PCDHA8: variants seen among roughly 807,000 people sequenced by gnomAD.
The protein encoded by PCDHA8 is protocadherin alpha 8.
In PCDHA8, 53 loss-of-function variants were observed where a neutral mutation model predicts 61.8. The observed-to-expected ratio is 0.86, with a 90% CI of 0.69 to 1.08. The LOEUF is 1.08. Ranked by LOEUF, PCDHA8 falls within the 50% of genes least tolerant of loss-of-function variation. PCDHA8 has a pLI of 0.00. For missense variants in PCDHA8, 1,293 were observed against 1,245.0 expected (o/e 1.04, Z -0.58); for synonymous variants, 618 against 556.6 (o/e 1.11, Z -1.55).
Position 140,917,790 on chromosome 5 carries a change from A to G in PCDHA8, c.2395-61159A>G, listed in dbSNP as rs540599117. The stretch of plus-strand genomic sequence containing the variant: ...GTATTAGTACCATGTTGTTTTGGTT[A>G]CTGTAGCCTTGCAGTATAGTTGAAG... On this transcript the variant is annotated intron_variant, in intron 1 of 3. Coordinates refer to ENST00000531613, the MANE Select transcript of PCDHA8 (RefSeq NM_018911.3). Among the ~76,000 whole-genome samples the G allele has an allele frequency of 4.6e-5, 7 of 152,046 alleles. No homozygotes were observed. In the East Asian group the frequency reaches 1.2e-3, roughly 25 times the overall value.
intron 2 of PCDHA8, among the ~76,000 whole-genome samples, chr5:140,981,687 A>ATCATTCATTCAT (rs200213847): frequency 1.1e-4 from 17 of 151,972 alleles, no homozygotes; most frequent in African/African-American, 4.1e-4. Context: ...CCTCCCTTCC[A>ATCATTCATTCAT]TCATTCATTC....
chr5:140,966,645 C>T (rs369620766), intron 1 of PCDHA8: 7 of 1,125,658 alleles, frequency 6.2e-6, no homozygotes, highest in Non-Finnish European at 8.2e-6. Flanking sequence ...CTTTCTAGAG[C>T]GTGAGCGGTG....
chr5:140,933,853 A>AT (rs2089460601), intron 1 of PCDHA8, among the ~76,000 whole-genome samples: 2 of 151,568 alleles, frequency 1.3e-5, no homozygotes, highest in Non-Finnish European at 3.0e-5. Context: ...TGTACCTTTA[A>AT]TTTTTTCAGA....
intron 1 of PCDHA8, chr5:140,968,616 A>G (rs782318101): frequency 6.2e-7 from 1 of 1,614,154 alleles, no homozygotes; most frequent in Admixed American, 1.7e-5. Flanking sequence ...TCTGGGCAAA[A>G]TGCTTGGCTT....
rs1554162252 is a variant in PCDHA8 at position 140,868,854 on chromosome 5, T to A, written c.2394+25139T>A. ...ACCCAAAACACGTGAAATTCTGTGG[T>A]GGTAAATGCAGTGCACAGTACTCAC... On this transcript the variant is annotated intron_variant, in intron 1 of 3. Coordinates refer to ENST00000531613, the MANE Select transcript of PCDHA8 (RefSeq NM_018911.3). 8.6e-6 allele frequency: 4 copies of A among 465,988 alleles called. 1 individual carries two copies. The highest frequency in any genetic ancestry group is 1.4e-5 in the Non-Finnish European group (4 of 277,116). The allele number at this position is 465,988 out of a possible 1,614,324, so 28.9% of individuals were successfully genotyped here. A position where few individuals can be genotyped will look rare whatever the true frequency, so the allele number is the denominator to read the frequency against.
In PCDHA8 at chr5:140,848,354, C is replaced by T. The variant is rs1427419086; in HGVS notation, c.2394+4639C>T. The T allele has an allele frequency of 5.9e-6, 6 of 1,023,948 alleles. No homozygotes were observed. In the East Asian group the frequency reaches 7.1e-5, roughly 12 times the overall value. The allele number at this position is 1,023,948 out of a possible 1,614,324, so 63.4% of individuals were successfully genotyped here. On this transcript the variant is annotated intron_variant, in intron 1 of 3. Transcript: ENST00000531613. Reference sequence around the variant, plus strand: ...AATCCAGACAAATACAGCCCTTTTCCCATGGGAAAGAGGCTCAATTCTTTT... The same window carrying T: ...AATCCAGACAAATACAGCCCTTTTCTCATGGGAAAGAGGCTCAATTCTTTT...
At chr5:140,877,533 G>A (rs1554169813) in intron 1 of PCDHA8, 2 of 1,613,790 alleles carry the variant, frequency 1.2e-6, no homozygotes, top group South Asian at 2.2e-5. Context: ...TGGGCGCTGT[G>A]GATCCCGAAG....
At chr5:140,870,715 G>T (rs1554164627) in intron 1 of PCDHA8, 2 of 1,613,126 alleles carry the variant, frequency 1.2e-6, no homozygotes, top group East Asian at 2.2e-5. Flanking sequence ...GAGCGCGCGC[G>T]ATGCGGGCGT....
chr5:140,875,591 A>C, intron 1 of PCDHA8: 2 of 1,613,998 alleles, frequency 1.2e-6, no homozygotes, highest in Non-Finnish European at 1.7e-6. Context: ...GAGGAGGCCA[A>C]ACACGGCACC....
chr5:140,849,773 C>A (rs1554143291), intron 1 of PCDHA8: 12 of 1,598,418 alleles, frequency 7.5e-6, no homozygotes, highest in Non-Finnish European at 1.0e-5. Flanking sequence ...TGGTGGTTAC[C>A]GCGCGGGACG....
Position 140,924,728 on chromosome 5 carries a change from C to G in PCDHA8, c.2395-54221C>G, listed in dbSNP as rs191622894. Among the ~76,000 whole-genome samples, 1,223 of 151,892 alleles carry G rather than the reference C, an allele frequency of 8.1e-3. 6 individuals carry two copies. The highest frequency in any genetic ancestry group is 0.019 in the African/African-American group (789 of 41,420). ...TGTGCAACATGGCGAAACCTCACCT[C>G]TAATAAAAATACAAAAATTAACCGA... On this transcript the variant is annotated intron_variant, in intron 1 of 3. Transcript: ENST00000531613.
chr5:140,967,387 T>A (rs1158599127), intron 1 of PCDHA8: 4 of 1,609,114 alleles, frequency 2.5e-6, no homozygotes, highest in Non-Finnish European at 3.4e-6. Flanking sequence ...GTAAAGTGCT[T>A]GAGCTGGTGC....
intron 1 of PCDHA8, chr5:140,871,599 TG>T (rs1554165773): frequency 6.9e-7 from 1 of 1,447,790 alleles, no homozygotes; most frequent in Admixed American, 2.7e-5. Flanking sequence ...GAATAACCAG[TG>T]TTTTGAATAT....
intron 1 of PCDHA8, among the ~76,000 whole-genome samples, chr5:140,973,378 A>C (rs1453357452): frequency 6.6e-6 from 1 of 152,238 alleles, no homozygotes; most frequent in Non-Finnish European, 1.5e-5. Context: ...CAATGGTCAG[A>C]ATAGACAAAG....
In PCDHA8 at chr5:140,852,619, G is replaced by C. The variant is rs147501708; in HGVS notation, c.2394+8904G>C. On this transcript the variant is annotated intron_variant, in intron 1 of 3. Transcript: ENST00000531613. ...TGTCATTTTCTTTCAAAACTTGAGT[G>C]GTCTCTGAGCTCCTGTCATTAAACC... The C allele has an allele frequency of 3.4e-4, 315 of 937,802 alleles. 5 individuals carry two copies. The East Asian group carries it at 0.027, about 79-fold the overall frequency. The allele number at this position is 937,802 out of a possible 1,614,324, so 58.1% of individuals were successfully genotyped here.
Position 140,841,860 on chromosome 5 carries a change from T to C in PCDHA8, c.539T>C (p.Leu180Pro), listed in dbSNP as rs2150324281. Residue 180 changes from leucine (L) to proline (P), a missense_variant, in exon 1 of 4, where the codon CTA becomes CCA. Physicochemically the swap from Leu to Pro is moderately conservative, Grantham distance 98. Coordinates refer to ENST00000531613, the MANE Select transcript of PCDHA8 (RefSeq NM_018911.3). Reference protein sequence around the residue: ...YRLSSHDYFMLDVNSKNDENK... With the variant: ...YRLSSHDYFMPDVNSKNDENK... ...CTTAGCTCTCATGATTACTTCATGCTAGATGTGAATTCAAAGAACGATGAG... is the reference window on the plus strand; with the variant it reads ...CTTAGCTCTCATGATTACTTCATGCCAGATGTGAATTCAAAGAACGATGAG... 6.2e-7 allele frequency: 1 copy of C among 1,613,766 alleles called. No individual in the cohort carries two copies. The highest frequency in any genetic ancestry group is 1.7e-5 in the Admixed American group (1 of 60,010).
At chr5:140,933,253 A>G (rs958671776) in intron 1 of PCDHA8, among the ~76,000 whole-genome samples, 2 of 152,008 alleles carry the variant, frequency 1.3e-5, no homozygotes, top group Non-Finnish European at 2.9e-5. Context: ...TATAAACACA[A>G]AAGGTTATTA....
In PCDHA8 at chr5:140,842,107, C is replaced by CA. The variant is rs1468350486; in HGVS notation, c.789dup (p.Leu264ThrfsTer5). On this transcript the variant is annotated frameshift_variant, in exon 1 of 4. Transcript: ENST00000531613. LOFTEE classifies it high-confidence loss of function. ...ACGCAGACAACGGAACAACAGTTAT[C>CA]AAACTGAATGCTTCTGATCCGGATG... 6.2e-7 allele frequency: 1 copy of CA among 1,613,738 alleles called. No homozygotes were observed. Among genetic ancestry groups the CA allele is most frequent in the Non-Finnish European group, 8.5e-7 (1 of 1,179,868 alleles).
At chr5:140,848,501 A>G (rs2150411434) in intron 1 of PCDHA8, 1 of 1,586,022 alleles carries the variant, frequency 6.3e-7, no homozygotes, top group African/African-American at 1.4e-5. Flanking sequence ...TTGAAATGTT[A>G]TACTCAAGTC....
Sources: allele counts gnomAD v4.1 joint callset (sites outside exome capture counted in the v4.1 genomes callset), GRCh38; gene constraint gnomAD v4.1.1; transcripts MANE v1.5; gene names NCBI Gene and HGNC (gene_info 2026-07-23, HGNC 2026-07-21).